Variants in TCTN1 observed in about 807,000 individuals in gnomAD.
TCTN1 encodes the protein tectonic family member 1, also known as tectonic-1.
TCTN1 carries 58 observed loss-of-function variants against 65.8 expected under a neutral mutation model. That is an observed-to-expected ratio of 0.88 (90% CI 0.71 to 1.10). The LOEUF (loss-of-function observed/expected upper bound fraction) is 1.10. Ranked by LOEUF, TCTN1 falls within the 50% of genes least tolerant of loss-of-function variation. The pLI is 0.00. For missense variants in TCTN1, 645 were observed against 719.4 expected (o/e 0.90, Z 1.18); for synonymous variants, 273 against 289.1 (o/e 0.94, Z 0.57).
chr12:110,622,375 C>T (rs1167136330), intron 2 of TCTN1, among the ~76,000 whole-genome samples: 1 of 152,084 alleles, frequency 6.6e-6, no homozygotes, highest in Non-Finnish European at 1.5e-5. Context: ...GCACCAGGGA[C>T]ATAAAGATGA....
intron 14 of TCTN1, chr12:110,648,779 T>A: frequency 3.3e-6 from 1 of 299,640 alleles, no homozygotes. Context: ...AGTAGGAGGG[T>A]CCAGGGAAAA....
chr12:110,626,857 C>T (rs1025786414), intron 3 of TCTN1, among the ~76,000 whole-genome samples: 3 of 145,898 alleles, frequency 2.1e-5, no homozygotes, highest in African/African-American at 7.6e-5. Context: ...CACAAATCCT[C>T]TGCCTCTTGG....
intron 1 of TCTN1, 56 bp downstream of exon 1, chr12:110,614,458 G>A: frequency 6.4e-7 from 1 of 1,555,960 alleles, no homozygotes; most frequent in Non-Finnish European, 8.7e-7. Context: ...CAAGGGGACA[G>A]CCCCGGTGAG....
intron 2 of TCTN1, among the ~76,000 whole-genome samples, chr12:110,624,545 T>C (rs1274199037): frequency 6.6e-6 from 1 of 150,994 alleles, no homozygotes; most frequent in East Asian, 2.0e-4. Flanking sequence ...TTGGGATTTG[T>C]CAAATCTGGG....
rs1056341678 is a variant in TCTN1 at position 110,641,075 on chromosome 12, C to A, written c.1030C>A (p.Leu344Ile). Residue 344 changes from leucine (L) to isoleucine (I), a missense_variant, in exon 9 of 15, where the codon CTC (leucine) becomes ATC (isoleucine). Coordinates refer to ENST00000397659, the MANE Select transcript of TCTN1 (RefSeq NM_001082538.3). ...TGCAGGTGAAGTCACCAAAGCTGAT[C>A]TCTCATTCGTTCTGGGGACAGTTAG... ...TDAGEVTKAD[L>I]SFVLGTVSSV... 6 of 1,614,244 alleles carry A rather than the reference C, an allele frequency of 3.7e-6. No individual in the cohort carries two copies. The Admixed American group carries it at 8.3e-5, about 22-fold the overall frequency.
At chr12:110,646,223 A>T (rs2067290476) in intron 12 of TCTN1, 1 of 151,864 alleles carries the variant, frequency 6.6e-6, no homozygotes, top group Non-Finnish European at 1.5e-5. Flanking sequence ...CTCAGTTTCC[A>T]CCAGCTGCAT....
intron 10 of TCTN1, 48 bp downstream of exon 10, chr12:110,641,675 T>C (rs771191558): frequency 4.5e-6 from 7 of 1,551,218 alleles, no homozygotes; most frequent in Non-Finnish European, 4.5e-6. Flanking sequence ...TCTCTCCATG[T>C]GCGTGGGCTG....
intron 2 of TCTN1, chr12:110,625,537 G>C (rs2065772973): frequency 6.6e-6 from 1 of 152,048 alleles, no homozygotes; most frequent in African/African-American, 2.4e-5. Flanking sequence ...CTGAGGTAAG[G>C]AGTTTGAGAC....
At chr12:110,648,603 A>G (rs1359814990) in intron 14 of TCTN1, 1 of 159,894 alleles carries the variant, frequency 6.3e-6, no homozygotes, top group Non-Finnish European at 1.4e-5. Flanking sequence ...AATATTAGAT[A>G]AAATCATGCG....
At position 110,640,233 on chromosome 12, in the gene TCTN1, A is replaced by G; in HGVS notation, c.844-150A>G. Reference sequence around the variant, plus strand: ...ATGTATATATGTTTATTACTTTTGCAAATGTGGATCATAGTATATACACTG... The same window carrying G: ...ATGTATATATGTTTATTACTTTTGCGAATGTGGATCATAGTATATACACTG... On this transcript the variant is annotated intron_variant, in intron 7 of 14. Coordinates refer to ENST00000397659, the MANE Select transcript of TCTN1 (RefSeq NM_001082538.3). The surrounding 1 kb of genome is among the most constrained non-coding windows in gnomAD (Gnocchi z 4.9). 1.1e-6 allele frequency: 1 copy of G among 893,702 alleles called. No individual in the cohort carries two copies. Among genetic ancestry groups the G allele is most frequent in the South Asian group, 1.5e-5 (1 of 68,880 alleles). 55.4% of individuals were successfully genotyped at this position (893,702 alleles called of 1,614,324 possible).
At chr12:110,629,224 A>G in intron 4 of TCTN1, 1 of 480,132 alleles carries the variant, frequency 2.1e-6, no homozygotes, top group Non-Finnish European at 3.6e-6. Flanking sequence ...AGCAATGGCA[A>G]CAAAAGCCAA....
chr12:110,640,405 T>C lies in TCTN1; in HGVS notation c.866T>C (p.Ile289Thr), dbSNP rs1565998365. Residue 289 changes from isoleucine (I) to threonine (T), a missense_variant, in exon 8 of 15, where the codon ATC becomes ACC. Ile to Thr is a moderately conservative substitution (Grantham distance 89, BLOSUM62 -1). Transcript: ENST00000397659. The surrounding 1 kb of genome is among the most constrained non-coding windows in gnomAD (Gnocchi z 4.9). The part of the protein sequence containing the change: ...RKKVPITVQS[I>T]VIQSLNKTLT... ...CAGGTCCCTATCACTGTTCAGTCCA[T>C]CGTCATTCAGTCTCTAAATAAAACG... 1 of 1,614,182 alleles carries C rather than the reference T, an allele frequency of 6.2e-7. No homozygotes were observed.
At chr12:110,636,284 C>T (rs535198013) in intron 6 of TCTN1, 197 bp from the exon 7 acceptor site, 31 of 510,242 alleles carry the variant, frequency 6.1e-5, no homozygotes, top group East Asian at 2.9e-4. Context: ...AGAAGGAAAA[C>T]GCAATGTGAC....
intron 4 of TCTN1, among the ~76,000 whole-genome samples, chr12:110,630,844 T>C (rs546278452): frequency 6.6e-6 from 1 of 152,340 alleles, no homozygotes; most frequent in Non-Finnish European, 1.5e-5. Context: ...TGAAGAGCTT[T>C]TCAGGCATTA....
chr12:110,649,011 C>T (rs1277172260), intron 14 of TCTN1, 32 bp from the exon 15 acceptor site: 2 of 468,278 alleles, frequency 4.3e-6, no homozygotes, highest in Non-Finnish European at 8.3e-6. Flanking sequence ...AATGGGGTGG[C>T]AGCTAAAGTA....
In TCTN1 at chr12:110,647,806, G is replaced by A. The variant is rs763477210; in HGVS notation, c.1693G>A (p.Val565Met). ...TTCCACTGCGGTTACTTTTGTGGAT[G>A]TGTCTGCACCTGCAGAGGCAGGCTT... ...LISTAVTFVD[V>M]SAPAEAGFRA... Residue 565 changes from valine (V) to methionine (M), a missense_variant, in exon 14 of 15, where the codon GTG becomes ATG. Coordinates refer to ENST00000397659, the MANE Select transcript of TCTN1 (RefSeq NM_001082538.3). 6.2e-7 allele frequency: 1 copy of A among 1,614,222 alleles called. No homozygotes were observed. Among genetic ancestry groups the A allele is most frequent in the East Asian group, 2.2e-5 (1 of 44,890 alleles).
chr12:110,619,693 T>C (rs2065282543), intron 1 of TCTN1, 143 bp from the exon 2 acceptor site: 1 of 1,323,990 alleles, frequency 7.6e-7, no homozygotes, highest in Non-Finnish European at 1.0e-6. Flanking sequence ...TCATTTCCAC[T>C]TCACAAATTT....
At position 110,626,464 on chromosome 12, in the gene TCTN1, A is replaced by T; in HGVS notation, c.444A>T (p.Pro148=). The change falls in exon 3 of 15, where the codon CCA becomes CCT. Residue 148 remains proline (P), a synonymous_variant. Transcript: ENST00000397659. ...RVFELVDQIN[P]SIFCIHITNY... Reference sequence around the variant, plus strand: ...TTGAACTTGTTGACCAGATTAATCCATCTATTTTCTGCATTCATATTACAA... The same window carrying T: ...TTGAACTTGTTGACCAGATTAATCCTTCTATTTTCTGCATTCATATTACAA... 6.2e-7 allele frequency: 1 copy of T among 1,612,646 alleles called. No homozygotes were observed. Among genetic ancestry groups the T allele is most frequent in the Non-Finnish European group, 8.5e-7 (1 of 1,179,334 alleles).
chr12:110,649,192 T>C lies in TCTN1; in HGVS notation c.*151T>C. Reference sequence around the variant, plus strand: ...AAGTGTTCAACATGAGAAAATGTGATACATTTGATACAGTGTGGGGTGGGA... The same window carrying C: ...AAGTGTTCAACATGAGAAAATGTGACACATTTGATACAGTGTGGGGTGGGA... On this transcript the variant is annotated 3_prime_UTR_variant, in exon 15 of 15. Transcript: ENST00000397659. 1 of 683,562 alleles carries C rather than the reference T, an allele frequency of 1.5e-6. No individual in the cohort carries two copies. The highest frequency in any genetic ancestry group is 2.7e-6 in the Non-Finnish European group (1 of 377,158). 42.3% of individuals were successfully genotyped at this position (683,562 alleles called of 1,614,324 possible). A position where few individuals can be genotyped will look rare whatever the true frequency, so the allele number is the denominator to read the frequency against.
Sources: allele counts gnomAD v4.1 joint callset (sites outside exome capture counted in the v4.1 genomes callset), GRCh38; gene constraint gnomAD v4.1.1; non-coding constraint Gnocchi (gnomAD v3.1); transcripts MANE v1.5; gene names NCBI Gene and HGNC (gene_info 2026-07-23, HGNC 2026-07-21).